MYRIP: variants seen among roughly 807,000 people sequenced by gnomAD.
MYRIP encodes the protein myosin VIIA and Rab interacting protein.
In MYRIP, 49 loss-of-function variants were observed where a neutral mutation model predicts 98.0. That is an observed-to-expected ratio of 0.50 (90% CI 0.40 to 0.63). MYRIP has a LOEUF of 0.63. MYRIP is among the 30% of genes least tolerant of loss of function. The pLI is 0.00. For missense variants in MYRIP, 1,004 were observed against 1,058.2 expected (o/e 0.95, Z 0.71); for synonymous variants, 404 against 409.5 (o/e 0.99, Z 0.16).
At chr3:39,822,034 T>C (rs1306649296) in intron 1 of MYRIP, among the ~76,000 whole-genome samples, 3 of 152,216 alleles carry the variant, frequency 2.0e-5, no homozygotes, top group Non-Finnish European at 2.9e-5. Context: ...ATTTATTAAT[T>C]TCATCTTGTG....
chr3:40,106,205 C>T (rs975250471), intron 3 of MYRIP, among the ~76,000 whole-genome samples: 6 of 152,072 alleles, frequency 3.9e-5, no homozygotes, highest in African/African-American at 1.2e-4. Flanking sequence ...GGCACAATCA[C>T]ATCCCCCTTC....
At chr3:39,817,205 A>G (rs1435542231) in intron 1 of MYRIP, among the ~76,000 whole-genome samples, 1 of 152,238 alleles carries the variant, frequency 6.6e-6, no homozygotes, top group African/African-American at 2.4e-5. Flanking sequence ...ATTGTTGAAC[A>G]CATTGATTGC....
intron 3 of MYRIP, among the ~76,000 whole-genome samples, chr3:40,081,419 G>A (rs1318414258): frequency 6.6e-6 from 1 of 152,080 alleles, no homozygotes; most frequent in African/African-American, 2.4e-5. Flanking sequence ...AAGTTATTAG[G>A]TACATACAAG....
In MYRIP at chr3:40,218,902, A is replaced by G. The variant is rs566437491; in HGVS notation, c.1905+8809A>G. Among the ~76,000 whole-genome samples the G allele has an allele frequency of 4.3e-4, 65 of 152,082 alleles. 1 individual carries two copies. The South Asian group carries it at 0.013, about 31-fold the overall frequency. On this transcript the variant is annotated intron_variant, in intron 11 of 16. Coordinates refer to ENST00000302541, the MANE Select transcript of MYRIP (RefSeq NM_015460.4). Reference sequence around the variant, plus strand: ...TGCAAACTTGATGAAGTTATTCTAAAGTTCATCTGGAAGAGTAAGTGCATA... The same window carrying G: ...TGCAAACTTGATGAAGTTATTCTAAGGTTCATCTGGAAGAGTAAGTGCATA...
intron 3 of MYRIP, among the ~76,000 whole-genome samples, chr3:40,097,803 G>A (rs1395451786): frequency 6.6e-6 from 1 of 152,272 alleles, no homozygotes; most frequent in African/African-American, 2.4e-5. Flanking sequence ...TGGTGGTCTC[G>A]TCTGTTCAAA....
chr3:39,823,154 G>A (rs1941160840), intron 1 of MYRIP, among the ~76,000 whole-genome samples: 1 of 151,704 alleles, frequency 6.6e-6, no homozygotes, highest in Non-Finnish European at 1.5e-5. Context: ...CCAGTAGCTG[G>A]GATTACAGGT....
intron 11 of MYRIP, among the ~76,000 whole-genome samples, chr3:40,218,628 A>ATATATATATTT (rs1553629281): frequency 3.1e-4 from 6 of 19,128 alleles, no homozygotes; most frequent in African/African-American, 5.2e-4. Context: ...ATATATATAT[A>ATATATATATTT]TATATATATA....
intron 1 of MYRIP, among the ~76,000 whole-genome samples, chr3:39,886,324 A>AT (rs1359053455): frequency 3.9e-4 from 60 of 151,928 alleles, no homozygotes; most frequent in African/African-American, 1.3e-3. Flanking sequence ...ACAGGATCAA[A>AT]TTCACACATA....
At chr3:39,917,966 G>A (rs980524702) in intron 2 of MYRIP, among the ~76,000 whole-genome samples, 14 of 147,134 alleles carry the variant, frequency 9.5e-5, no homozygotes, top group Non-Finnish European at 1.9e-4. Flanking sequence ...CTGCTCTGTC[G>A]CCCAGGCTGG....
chr3:39,975,580 C>T (rs1416769128), intron 2 of MYRIP, among the ~76,000 whole-genome samples: 5 of 151,958 alleles, frequency 3.3e-5, no homozygotes, highest in East Asian at 1.9e-4. Context: ...AAAAAGAGCC[C>T]GCATTGCCAA....
intron 2 of MYRIP, among the ~76,000 whole-genome samples, chr3:40,029,393 C>A (rs538074538): frequency 6.6e-6 from 1 of 152,252 alleles, no homozygotes; most frequent in South Asian, 2.1e-4. Flanking sequence ...AATCAGGCAA[C>A]AAATAAGTAC....
intron 12 of MYRIP, chr3:40,242,071 C>T (rs899462442): frequency 2.0e-5 from 3 of 152,292 alleles, no homozygotes; most frequent in East Asian, 3.9e-4. Flanking sequence ...TTCAGCCCTC[C>T]TGAGATCACT....
Position 40,241,149 on chromosome 3 carries a change from G to T in MYRIP, c.2101-3297G>T, listed in dbSNP as rs1035516215. Among the ~76,000 whole-genome samples, 4 of 152,280 alleles carry T rather than the reference G, an allele frequency of 2.6e-5. No individual in the cohort carries two copies. The East Asian group carries it at 7.7e-4, about 29-fold the overall frequency. On this transcript the variant is annotated intron_variant, in intron 12 of 16. Transcript: ENST00000302541. ...ACTGCCACCTTGAGGATGTATGCAG[G>T]GTTGTAAGTAACCCATAATCCCCAG...
At chr3:39,883,009 A>G (rs1338104916) in intron 1 of MYRIP, among the ~76,000 whole-genome samples, 1 of 152,202 alleles carries the variant, frequency 6.6e-6, no homozygotes, top group Non-Finnish European at 1.5e-5. Flanking sequence ...TTGTAGAGAT[A>G]AAAAGATACT....
At chr3:39,970,549 T>TC (rs1945555017) in intron 2 of MYRIP, among the ~76,000 whole-genome samples, 1 of 152,118 alleles carries the variant, frequency 6.6e-6, no homozygotes, top group Non-Finnish European at 1.5e-5. Context: ...TTTCTACTTT[T>TC]CCCCACTTAT....
chr3:40,047,878 A>C (rs1947703664), intron 3 of MYRIP, among the ~76,000 whole-genome samples: 1 of 152,160 alleles, frequency 6.6e-6, no homozygotes, highest in Non-Finnish European at 1.5e-5. Context: ...TTTATATATC[A>C]ACAAACTGTG....
chr3:39,946,911 T>C (rs1944916521), intron 2 of MYRIP, among the ~76,000 whole-genome samples: 1 of 152,170 alleles, frequency 6.6e-6, no homozygotes, highest in Admixed American at 6.5e-5. Flanking sequence ...TAGAAGATTC[T>C]AAACAAGAAG....
At chr3:40,233,396 C>T (rs1449988887) in intron 11 of MYRIP, among the ~76,000 whole-genome samples, 1 of 152,166 alleles carries the variant, frequency 6.6e-6, no homozygotes, top group Non-Finnish European at 1.5e-5. Context: ...TGAGAAATAA[C>T]TTGACCAAGG....
At chr3:40,033,113 A>G (rs943843343) in intron 2 of MYRIP, among the ~76,000 whole-genome samples, 4 of 150,190 alleles carry the variant, frequency 2.7e-5, no homozygotes, top group Non-Finnish European at 5.9e-5. Flanking sequence ...AGCCAATATC[A>G]TACTGAATGG....
Sources: gnomAD v4.1 joint callset for allele counts (sites outside exome capture counted in the v4.1 genomes callset) on GRCh38, gnomAD v4.1.1 for gene constraint, MANE v1.5 for transcripts, NCBI Gene and HGNC (gene_info 2026-07-23, HGNC 2026-07-21) for gene names.